The following DYM variants were observed in gnomAD, a reference collection of about 807,000 sequenced individuals.
DYM encodes the protein dymeclin.
In DYM, 78 loss-of-function variants were observed where a neutral mutation model predicts 93.1. That is an observed-to-expected ratio of 0.84 (90% CI 0.70 to 1.01). The LOEUF (loss-of-function observed/expected upper bound fraction) is 1.01. DYM is among the 50% of genes least tolerant of loss of function. The pLI is 0.00. For missense variants in DYM, 789 were observed against 845.0 expected, an observed-to-expected ratio of 0.93 and a Z score of 0.82; for synonymous variants, 321 against 319.7, an observed-to-expected ratio of 1.00 and a Z score of -0.04.
At chr18:49,213,954 C>T (rs554726494) in intron 13 of DYM, among the ~76,000 whole-genome samples, 42 of 152,286 alleles carry the variant, frequency 2.8e-4, no homozygotes, top group African/African-American at 1.0e-3. Context: ...TGCAATTATC[C>T]TTCACAGATT....
At chr18:49,398,391 T>A (rs1280818976) in intron 2 of DYM, among the ~76,000 whole-genome samples, 1 of 152,196 alleles carries the variant, frequency 6.6e-6, no homozygotes, top group African/African-American at 2.4e-5. Context: ...CACAGCTGAC[T>A]AGTCCAGGGA....
intron 6 of DYM, among the ~76,000 whole-genome samples, chr18:49,336,700 A>T (rs2063701098): frequency 6.6e-6 from 1 of 152,168 alleles, no homozygotes; most frequent in Non-Finnish European, 1.5e-5. Context: ...CATATTGGGG[A>T]CATATCCATC....
At chr18:49,250,079 A>C (rs374389081) in intron 13 of DYM, among the ~76,000 whole-genome samples, 1 of 152,226 alleles carries the variant, frequency 6.6e-6, no homozygotes, top group African/African-American at 2.4e-5. Flanking sequence ...ACATCTGCAA[A>C]ATATAGCCAG....
intron 13 of DYM, among the ~76,000 whole-genome samples, chr18:49,216,114 C>T (rs1021977581): frequency 7.9e-5 from 12 of 152,210 alleles, no homozygotes; most frequent in African/African-American, 2.2e-4. Flanking sequence ...GCACCTGGCT[C>T]GGAGGGTCCT....
chr18:49,106,380 T>C (rs2080812691), intron 16 of DYM, among the ~76,000 whole-genome samples: 1 of 152,260 alleles, frequency 6.6e-6, no homozygotes, highest in African/African-American at 2.4e-5. Flanking sequence ...CTGTGTCTTT[T>C]AATTGGAGCA....
At chr18:49,073,999 T>A (rs2144962995) in intron 17 of DYM, among the ~76,000 whole-genome samples, 1 of 152,114 alleles carries the variant, frequency 6.6e-6, no homozygotes, top group Admixed American at 6.5e-5. Flanking sequence ...GGAAAGGGAG[T>A]CTCCCAGCTT....
At chr18:49,440,350 T>TATAGTATATGATATATAATATAGC (rs1417445367) in intron 1 of DYM, among the ~76,000 whole-genome samples, 2 of 133,484 alleles carry the variant, frequency 1.5e-5, no homozygotes, top group East Asian at 2.4e-4. Context: ...TGATATATAA[T>TATAGTATATGATATATAATATAGC]ATAGTATATG....
chr18:49,074,384 CTATTT>C (rs1249803894), intron 17 of DYM, among the ~76,000 whole-genome samples: 6 of 152,180 alleles, frequency 3.9e-5, no homozygotes, highest in Admixed American at 2.0e-4. Context: ...TACAAATACA[CTATTT>C]TATATTATGG....
At chr18:49,218,279 G>T (rs7234432) in intron 13 of DYM, among the ~76,000 whole-genome samples, 1 of 151,410 alleles carries the variant, frequency 6.6e-6, no homozygotes, top group African/African-American at 2.4e-5. Context: ...CCTACAAAGA[G>T]ACTTAGACTC....
intron 1 of DYM, among the ~76,000 whole-genome samples, chr18:49,437,580 A>C (rs927731929): frequency 6.6e-6 from 1 of 152,232 alleles, no homozygotes; most frequent in African/African-American, 2.4e-5. Flanking sequence ...AGATATGATA[A>C]ATCCAGAGAA....
rs182331208 is a variant in DYM, at chr18:49,207,387, G to A, written c.1625+2164C>T. 5.3e-5 allele frequency among the ~76,000 whole-genome samples: 8 copies of A among 152,314 alleles called. No individual in the cohort carries two copies. In the East Asian group the frequency reaches 9.6e-4, roughly 18 times the overall value. On this transcript the variant is annotated intron_variant, in intron 14 of 17. Transcript: ENST00000675505. ...AAAGAAAAACACATGGAACAGATACGTGGTAACAAAGAACACAGAAGAGAA... is the reference window on the plus strand; with the variant it reads ...AAAGAAAAACACATGGAACAGATACATGGTAACAAAGAACACAGAAGAGAA...
At chr18:49,075,113 A>G (rs1486696538) in intron 17 of DYM, among the ~76,000 whole-genome samples, 1 of 152,230 alleles carries the variant, frequency 6.6e-6, no homozygotes, top group Non-Finnish European at 1.5e-5. Context: ...CTTGCTGAAC[A>G]GAGACGAACA....
chr18:49,327,089 G>A lies in DYM; in HGVS notation c.763+4775C>T, dbSNP rs866168034. ...AGAGAGAGAGAAGAAAGTACAGAAT[G>A]AGACAGAAGAGGAGAAAAAACACAA... On this transcript the variant is annotated intron_variant, in intron 8 of 17. Coordinates refer to ENST00000675505, the MANE Select transcript of DYM (RefSeq NM_001353214.3). Among the ~76,000 whole-genome samples the A allele has an allele frequency of 2.0e-5, 3 of 150,810 alleles. No homozygotes were observed. In the South Asian group the frequency reaches 6.4e-4, roughly 32 times the overall value.
intron 6 of DYM, among the ~76,000 whole-genome samples, chr18:49,361,103 G>C (rs1310060000): frequency 6.6e-6 from 1 of 152,218 alleles, no homozygotes; most frequent in Non-Finnish European, 1.5e-5. Context: ...TGGGCACACA[G>C]CACCACTCTA....
At chr18:49,347,080 G>T (rs934783911) in intron 6 of DYM, among the ~76,000 whole-genome samples, 1 of 152,136 alleles carries the variant, frequency 6.6e-6, no homozygotes, top group Non-Finnish European at 1.5e-5. Context: ...AAATAAAATA[G>T]TTGTATAGGT....
intron 1 of DYM, among the ~76,000 whole-genome samples, chr18:49,454,196 C>G (rs1208253657): frequency 6.6e-6 from 1 of 152,094 alleles, no homozygotes; most frequent in Non-Finnish European, 1.5e-5. Flanking sequence ...CCCCTAACAG[C>G]AGTTAGGGTT....
In DYM at chr18:49,081,330, C is replaced by T. The variant is rs200136943; in HGVS notation, c.2025+16072G>A. Reference sequence around the variant, plus strand: ...CAGCCCGGCCAACACAGCGAAACCCCGTCTCCACCAAAAAAGTACGAAAAC... The same window carrying T: ...CAGCCCGGCCAACACAGCGAAACCCTGTCTCCACCAAAAAAGTACGAAAAC... On this transcript the variant is annotated intron_variant, in intron 17 of 17. Coordinates refer to ENST00000675505, the MANE Select transcript of DYM (RefSeq NM_001353214.3). 2.0e-5 allele frequency among the ~76,000 whole-genome samples: 3 copies of T among 151,704 alleles called. No homozygotes were observed. In the East Asian group the frequency reaches 5.9e-4, roughly 30 times the overall value.
At chr18:49,166,640 A>C (rs1208994242) in intron 14 of DYM, among the ~76,000 whole-genome samples, 1 of 152,154 alleles carries the variant, frequency 6.6e-6, no homozygotes, top group African/African-American at 2.4e-5. Flanking sequence ...ATTGTTTATA[A>C]GACATGTTTA....
intron 17 of DYM, among the ~76,000 whole-genome samples, chr18:49,058,254 C>G (rs74837634): frequency 1.8e-4 from 28 of 152,140 alleles, no homozygotes; most frequent in East Asian, 9.6e-4. Context: ...GAATTAAGAG[C>G]AAGCACTCAT....
Sources: allele counts gnomAD v4.1 joint callset (sites outside exome capture counted in the v4.1 genomes callset), GRCh38; gene constraint gnomAD v4.1.1; transcripts MANE v1.5; gene names NCBI Gene and HGNC (gene_info 2026-07-23, HGNC 2026-07-21).